The following ATG7 variants were observed in gnomAD, a reference collection of about 807,000 sequenced individuals.
ATG7 encodes the protein autophagy related 7.
ATG7 carries 70 observed loss-of-function variants against 82.4 expected under a neutral mutation model. The observed-to-expected ratio is 0.85, with a 90% CI of 0.70 to 1.04. The LOEUF (loss-of-function observed/expected upper bound fraction) is 1.04, where lower values mean the gene tolerates loss of function less well. ATG7 is among the 50% of genes least tolerant of loss of function. ATG7 has a pLI of 0.00. For synonymous variants in ATG7, 287 were observed against 313.0 expected (o/e 0.92, Z 0.88); for missense variants, 792 against 864.3 (o/e 0.92, Z 1.05).
chr3:11,506,195 A>G (rs1218702965), intron 20 of ATG7, among the ~76,000 whole-genome samples: 3 of 152,214 alleles, frequency 2.0e-5, no homozygotes, highest in Admixed American at 6.5e-5. Flanking sequence ...CTAAGGTACT[A>G]TAATAGACCC....
chr3:11,565,560 G>C, the ATG7 span, among the ~76,000 whole-genome samples: 1 of 152,204 alleles, frequency 6.6e-6, no homozygotes, highest in African/African-American at 2.4e-5. This position sits in a 1 kb window ranked among gnomAD's most constrained non-coding sequence, Gnocchi z 4.1. Flanking sequence ...CAAGACTCAA[G>C]AGTGGTGGAA....
chr3:11,475,903 ACACACC>A (rs1374447645), intron 20 of ATG7, among the ~76,000 whole-genome samples: 131 of 150,440 alleles, frequency 8.7e-4, no homozygotes, highest in African/African-American at 2.5e-3. Context: ...ACACACACAC[ACACACC>A]CCCTCCCAGA....
chr3:11,290,091 A>T (rs977441194), intron 3 of ATG7, among the ~76,000 whole-genome samples: 25 of 152,334 alleles, frequency 1.6e-4, no homozygotes, highest in African/African-American at 5.5e-4. Flanking sequence ...TTCACAGGGT[A>T]GGGCTCCCCT....
chr3:11,315,488 A>G lies in ATG7; in HGVS notation c.673A>G (p.Thr225Ala). 6.3e-7 allele frequency: 1 copy of G among 1,588,678 alleles called. No homozygotes were observed. The highest frequency in any genetic ancestry group is 8.5e-7 in the Non-Finnish European group (1 of 1,171,070). ...CAGTGATTTCTTCCAAGGTCAAAGG[A>G]CGAAGGTCAGATAAACTTTGAGTAT... is the stretch of plus-strand genomic sequence containing the variant. ...HYSDFFQGQRTKITIGVYDPC... is the reference protein window; with the variant it reads ...HYSDFFQGQRAKITIGVYDPC... Residue 225 changes from threonine (T) to alanine (A), a missense_variant, in exon 9 of 21, where the codon ACG becomes GCG. Thr to Ala is a moderately conservative substitution (Grantham distance 58, BLOSUM62 0). Coordinates refer to ENST00000693202, the MANE Select transcript of ATG7 (RefSeq NM_001349232.2).
At chr3:11,486,741 G>A (rs1441866661) in intron 20 of ATG7, among the ~76,000 whole-genome samples, 1 of 151,550 alleles carries the variant, frequency 6.6e-6, no homozygotes, top group Non-Finnish European at 1.5e-5. Flanking sequence ...AGAGTTTTTA[G>A]TATGAAGGGT....
At chr3:11,337,767 G>A (rs1952778972) in intron 11 of ATG7, among the ~76,000 whole-genome samples, 1 of 151,944 alleles carries the variant, frequency 6.6e-6, no homozygotes, top group Non-Finnish European at 1.5e-5. Flanking sequence ...AAGTAGCTGG[G>A]ACTACAGACA....
At chr3:11,463,602 C>T (rs2153002196) in intron 20 of ATG7, among the ~76,000 whole-genome samples, 1 of 103,156 alleles carries the variant, frequency 9.7e-6, no homozygotes, top group South Asian at 4.4e-4. Flanking sequence ...TGACATAAAC[C>T]CACCTTGAAT....
intron 19 of ATG7, among the ~76,000 whole-genome samples, chr3:11,401,587 G>A (rs951762436): frequency 1.3e-5 from 2 of 152,106 alleles, no homozygotes; most frequent in African/African-American, 4.8e-5. Context: ...TTTAACTTAG[G>A]GGTTTTTTAA....
the ATG7 span, among the ~76,000 whole-genome samples, chr3:11,575,467 C>G: frequency 6.6e-6 from 1 of 152,192 alleles, no homozygotes; most frequent in Non-Finnish European, 1.5e-5. Context: ...CCCTCTCTCT[C>G]CTTGAGACTG....
chr3:11,299,286 C>G, intron 4 of ATG7, 76 bp from the exon 5 acceptor site: 1 of 1,434,330 alleles, frequency 7.0e-7, no homozygotes, highest in Non-Finnish European at 9.8e-7. Context: ...GAGAAGAAAA[C>G]TATTCATAAG....
intron 20 of ATG7, among the ~76,000 whole-genome samples, chr3:11,540,939 G>A (rs1279216840): frequency 5.0e-5 from 7 of 140,608 alleles, no homozygotes; most frequent in African/African-American, 5.2e-5. Flanking sequence ...TTGCTCTGTC[G>A]CCCAGGCTGG....
At chr3:11,482,315 G>A (rs1369840071) in intron 20 of ATG7, among the ~76,000 whole-genome samples, 2 of 152,194 alleles carry the variant, frequency 1.3e-5, no homozygotes, top group African/African-American at 4.8e-5. Flanking sequence ...AACACCCCAT[G>A]TCCTCACCAT....
At chr3:11,376,736 T>C (rs565756407) in intron 18 of ATG7, among the ~76,000 whole-genome samples, 106 of 152,244 alleles carry the variant, frequency 7.0e-4, no homozygotes, top group South Asian at 3.1e-3. Flanking sequence ...ATTTATTATT[T>C]ATATTTTATT....
intron 20 of ATG7, among the ~76,000 whole-genome samples, chr3:11,432,088 T>C (rs1049831693): frequency 1.3e-5 from 2 of 152,104 alleles, no homozygotes; most frequent in Non-Finnish European, 2.9e-5. Context: ...GAGAGGTCAA[T>C]GTGTGAGGGT....
the ATG7 span, among the ~76,000 whole-genome samples, chr3:11,570,320 CT>C: frequency 6.6e-6 from 1 of 152,154 alleles, no homozygotes; most frequent in African/African-American, 2.4e-5. Context: ...TTCCACCCAC[CT>C]TCCTGCCCCA....
At chr3:11,345,589 T>C (rs1228433953) in intron 13 of ATG7, among the ~76,000 whole-genome samples, 1 of 152,164 alleles carries the variant, frequency 6.6e-6, no homozygotes, top group East Asian at 1.9e-4. Flanking sequence ...CTTTTATCTT[T>C]TAAAAAATCT....
chr3:11,419,511 G>T (rs186009549), intron 19 of ATG7, among the ~76,000 whole-genome samples: 4 of 152,074 alleles, frequency 2.6e-5, no homozygotes, highest in African/African-American at 4.8e-5. Context: ...CCAAGATCAC[G>T]TCACTGTACT....
At chr3:11,378,014 A>G (rs1284367931) in intron 18 of ATG7, among the ~76,000 whole-genome samples, 1 of 103,304 alleles carries the variant, frequency 9.7e-6, no homozygotes, top group Non-Finnish European at 1.9e-5. Flanking sequence ...TATCTAACTT[A>G]TACCAGTTAC....
chr3:11,392,673 T>C (rs1180680174), intron 19 of ATG7, among the ~76,000 whole-genome samples: 2 of 152,108 alleles, frequency 1.3e-5, no homozygotes, highest in Non-Finnish European at 2.9e-5. Flanking sequence ...CAAATATGTA[T>C]ATCAGCTTGA....
Sources: gnomAD v4.1 joint callset for allele counts (sites outside exome capture counted in the v4.1 genomes callset) on GRCh38, gnomAD v4.1.1 for gene constraint, Gnocchi (gnomAD v3.1) non-coding constraint, MANE v1.5 for transcripts, NCBI Gene and HGNC (gene_info 2026-07-23, HGNC 2026-07-21) for gene names.